The following SCG2 variants were observed in gnomAD, a reference collection of about 807,000 sequenced individuals.
The protein encoded by SCG2 is secretogranin II.
In SCG2, 23 loss-of-function variants were observed where a neutral mutation model predicts 49.5. The ratio of observed to expected loss-of-function variants is 0.46; its 90% CI spans 0.33 to 0.66. SCG2 has a LOEUF of 0.66. Ranked by LOEUF, SCG2 falls within the 30% of genes least tolerant of loss-of-function variation. The probability of loss-of-function intolerance (pLI) is 0.01; values close to 1 mark genes in which losing one functional copy is unlikely to be tolerated. For synonymous variants in SCG2, 288 were observed against 260.4 expected, an observed-to-expected ratio of 1.11 and a Z score of -1.02; for missense variants, 730 against 728.2, an observed-to-expected ratio of 1.00 and a Z score of -0.03.
chr2:223,600,861 A>C (rs1023355799), intron 1 of SCG2, among the ~76,000 whole-genome samples: 1 of 152,220 alleles, frequency 6.6e-6, no homozygotes, highest in African/African-American at 2.4e-5. Context: ...TACTATAAGT[A>C]ATTTTATTCA....
rs1691345916 is a variant in SCG2 at position 223,598,860 on chromosome 2, C to A, written c.423G>T (p.Lys141Asn). The A allele has an allele frequency of 2.5e-6, 4 of 1,614,030 alleles. No individual in the cohort carries two copies. The highest frequency in any genetic ancestry group is 3.4e-6 in the Non-Finnish European group (4 of 1,180,018). Residue 141 changes from lysine (K) to asparagine (N), a missense_variant, in exon 2 of 2, where the codon AAG (lysine) becomes AAT (asparagine). Coordinates refer to ENST00000305409, the MANE Select transcript of SCG2 (RefSeq NM_003469.5). The stretch of plus-strand genomic sequence containing the variant: ...CATCACTCATGTCCATTGGAAAGTT[C>A]TTTTCTGAATTCAAGGCATAGGGCT... ...ENKPYALNSE[K>N]NFPMDMSDDY...
At chr2:223,599,393 G>A (rs938725899) in intron 1 of SCG2, 97 bp from the exon 2 acceptor site, 1 of 982,058 alleles carries the variant, frequency 1.0e-6, no homozygotes, top group Non-Finnish European at 1.4e-6. Context: ...AAAAAACATA[G>A]TAGATATTAT....
chr2:223,599,818 C>T (rs1691363601), intron 1 of SCG2, among the ~76,000 whole-genome samples: 1 of 152,118 alleles, frequency 6.6e-6, no homozygotes, highest in Non-Finnish European at 1.5e-5. Flanking sequence ...AATTTTGTTG[C>T]TGAAACACAG....
chr2:223,599,470 C>A (rs1298987049), intron 1 of SCG2, among the ~76,000 whole-genome samples, 174 bp from the exon 2 acceptor site: 1 of 152,156 alleles, frequency 6.6e-6, no homozygotes, highest in Non-Finnish European at 1.5e-5. Flanking sequence ...TTCCCACAAG[C>A]AAACCACAGG....
intron 1 of SCG2, among the ~76,000 whole-genome samples, chr2:223,599,578 T>G (rs1417216849): frequency 2.0e-5 from 3 of 152,234 alleles, no homozygotes; most frequent in Non-Finnish European, 1.5e-5. Flanking sequence ...TTCTTAAATT[T>G]TATTTTTTCA....
chr2:223,598,104 G>A lies in SCG2; in HGVS notation c.1179C>T (p.Asp393=). The A allele has an allele frequency of 6.2e-7, 1 of 1,606,916 alleles. No homozygotes were observed. Among genetic ancestry groups the A allele is most frequent in the South Asian group, 1.1e-5 (1 of 89,958 alleles). Residue 393 remains aspartate (D), a synonymous_variant, in exon 2 of 2, where the codon GAC becomes GAT. Transcript: ENST00000305409. ...RELDLPVDLD[D]ISEADLDHPD... Reference sequence around the variant, plus strand: ...GATGGTCTAAGTCAGCCTCTGAGATGTCATCTAGGTCAACAGGAAGGTCAA... The same window carrying A: ...GATGGTCTAAGTCAGCCTCTGAGATATCATCTAGGTCAACAGGAAGGTCAA...
intron 1 of SCG2, among the ~76,000 whole-genome samples, chr2:223,600,035 G>C (rs1691366379): frequency 6.6e-6 from 1 of 152,090 alleles, no homozygotes; most frequent in Non-Finnish European, 1.5e-5. Context: ...GTTTCTTTTT[G>C]TGTGAACGTG....
rs1478478662 is a variant in SCG2 at position 223,598,864 on chromosome 2, T to C, written c.419A>G (p.Glu140Gly). Residue 140 changes from glutamate to glycine, a missense_variant, in exon 2 of 2, where the codon GAA (glutamate) becomes GGA (glycine). Transcript: ENST00000305409. ...ACTCATGTCCATTGGAAAGTTCTTT[T>C]CTGAATTCAAGGCATAGGGCTTATT... Reference protein sequence around the residue: ...KENKPYALNSEKNFPMDMSDD... With the variant: ...KENKPYALNSGKNFPMDMSDD... 5.6e-6 allele frequency: 9 copies of C among 1,614,082 alleles called. No individual in the cohort carries two copies. The highest frequency in any genetic ancestry group is 7.6e-6 in the Non-Finnish European group (9 of 1,180,030).
In SCG2 at chr2:223,598,611, T is replaced by G. The variant is rs1408562869; in HGVS notation, c.672A>C (p.Lys224Asn). ...TATCATCTTCATCATCCGTATAAAG[T>G]TTTTGCTCCTCATCCATCCTCTCAC... Reference protein sequence around the residue: ...QKRERMDEEQKLYTDDEDDIY... With the variant: ...QKRERMDEEQNLYTDDEDDIY... Residue 224 changes from lysine to asparagine, a missense_variant, in exon 2 of 2, where the codon AAA (lysine) becomes AAC (asparagine). Coordinates refer to ENST00000305409, the MANE Select transcript of SCG2 (RefSeq NM_003469.5). The G allele has an allele frequency of 6.2e-7, 1 of 1,614,098 alleles. No homozygotes were observed.
At chr2:223,600,477 A>G (rs1323042127) in intron 1 of SCG2, among the ~76,000 whole-genome samples, 1 of 152,182 alleles carries the variant, frequency 6.6e-6, no homozygotes, top group Non-Finnish European at 1.5e-5. Flanking sequence ...TACATTTAAT[A>G]TTGCTAACAT....
chr2:223,597,822 A>C lies in SCG2; in HGVS notation c.1461T>G (p.Val487=), dbSNP rs371349754. The C allele has an allele frequency of 8.1e-6, 13 of 1,613,988 alleles. No individual in the cohort carries two copies. In the African/African-American group the frequency reaches 1.7e-4, roughly 22 times the overall value. ...QLPKAAWIPH[V]ENRQMAYENL... is the part of the protein sequence containing the mutation. Reference sequence around the variant, plus strand: ...TTTCATATGCCATCTGTCTGTTTTCAACATGTGGAATCCAGGCAGCTTTGG... The same window carrying C: ...TTTCATATGCCATCTGTCTGTTTTCCACATGTGGAATCCAGGCAGCTTTGG... The change falls in exon 2 of 2, where the codon GTT becomes GTG. Residue 487 remains valine, a synonymous_variant. Coordinates refer to ENST00000305409, the MANE Select transcript of SCG2 (RefSeq NM_003469.5).
chr2:223,600,564 T>A (rs960769134), intron 1 of SCG2, among the ~76,000 whole-genome samples: 3 of 152,148 alleles, frequency 2.0e-5, no homozygotes, highest in African/African-American at 7.2e-5. Flanking sequence ...TTTGTTCATA[T>A]CTTTACCAGA....
At position 223,598,129 on chromosome 2, in the gene SCG2, A is replaced by G; in HGVS notation, c.1154T>C (p.Leu385Pro). 1 of 1,611,144 alleles carries G rather than the reference A, an allele frequency of 6.2e-7. No homozygotes were observed. The highest frequency in any genetic ancestry group is 1.3e-5 in the African/African-American group (1 of 74,846). The change falls in exon 2 of 2, where the codon CTT becomes CCT. Residue 385 changes from leucine (L) to proline (P), a missense_variant. Leu to Pro is a moderately conservative substitution (Grantham distance 98, BLOSUM62 -3). Coordinates refer to ENST00000305409, the MANE Select transcript of SCG2 (RefSeq NM_003469.5). ...PNGSVEPERE[L>P]DLPVDLDDIS... ...GTCATCTAGGTCAACAGGAAGGTCA[A>G]GCTCCCGCTCCGGTTCCACTGATCC... is the stretch of plus-strand genomic sequence containing the variant.
chr2:223,599,201 C>T lies in SCG2; in HGVS notation c.82G>A (p.Ala28Thr). 1 of 1,613,352 alleles carries T rather than the reference C, an allele frequency of 6.2e-7. No individual in the cohort carries two copies. Residue 28 changes from alanine (A) to threonine (T), a missense_variant, in exon 2 of 2, where the codon GCT (alanine) becomes ACT (threonine). By Grantham distance (58) the Ala-to-Thr change is moderately conservative. Transcript: ENST00000305409. ...AGCAGCTGGTTTCTCTGAAATGAAG[C>T]TGCTTCAGCCCCAGAGATGAGGAAA... ...LIFLISGAEA[A>T]SFQRNQLLQK...
At chr2:223,600,576 CATGGTTTTGTGATAGATAAGCTAAGTTAT>C (rs542057839) in intron 1 of SCG2, among the ~76,000 whole-genome samples, 22 of 152,140 alleles carry the variant, frequency 1.4e-4, no homozygotes, top group African/African-American at 5.1e-4. Flanking sequence ...TTTACCAGAT[CATGGTTTTGTGATAGATAAGCTAAGTTAT>C]ATGTATACAA....
rs200759541 is a variant in SCG2, at chr2:223,599,045, G to A, written c.238C>T (p.Pro80Ser). 1.1e-5 allele frequency: 17 copies of A among 1,614,046 alleles called. No homozygotes were observed. In the South Asian group the frequency reaches 1.9e-4, roughly 18 times the overall value. Reference protein sequence around the residue: ...HKEESSPDYNPYQGVSVPLQQ... With the variant: ...HKEESSPDYNSYQGVSVPLQQ... ...AGGGGGACAGAGACACCTTGGTAGG[G>A]ATTATAATCTGGGCTGCTTTCTTCC... The change falls in exon 2 of 2, where the codon CCC becomes TCC. Residue 80 changes from proline (P) to serine (S), a missense_variant. Physicochemically the swap from Pro to Ser is moderately conservative, Grantham distance 74. Transcript: ENST00000305409.
At chr2:223,599,349 A>G in intron 1 of SCG2, 53 bp from the exon 2 acceptor site, 5 of 1,411,524 alleles carry the variant, frequency 3.5e-6, no homozygotes, top group African/African-American at 1.4e-5. Context: ...AGAAGACACT[A>G]TAGCAAAAGA....
rs776572864 is a variant in SCG2 at position 223,598,913 on chromosome 2, C to A, written c.370G>T (p.Glu124Ter). The A allele has an allele frequency of 6.2e-7, 1 of 1,614,176 alleles. No homozygotes were observed. Among genetic ancestry groups the A allele is most frequent in the Admixed American group, 1.7e-5 (1 of 60,028 alleles). The change falls in exon 2 of 2, where the codon GAG becomes TAG. Residue 124 changes from glutamate to a stop codon, truncating the protein, a stop_gained. Transcript: ENST00000305409. LOFTEE classifies it high-confidence loss of function. ...ILEALRQAEN[E>*]PQSAPKENKP... ...TTTTCTTTTGGTGCAGACTGAGGCT[C>A]ATTTTCAGCCTGTCTCAAAGCTTCG...
chr2:223,599,497 A>G (rs1370093425), intron 1 of SCG2, among the ~76,000 whole-genome samples: 1 of 152,218 alleles, frequency 6.6e-6, no homozygotes, highest in Non-Finnish European at 1.5e-5. Flanking sequence ...TAGCAAAATT[A>G]TTACTCATTC....
Sources: gnomAD v4.1 joint callset for allele counts (sites outside exome capture counted in the v4.1 genomes callset) on GRCh38, gnomAD v4.1.1 for gene constraint, MANE v1.5 for transcripts, NCBI Gene and HGNC (gene_info 2026-07-23, HGNC 2026-07-21) for gene names.